The following CD200 variants were observed in gnomAD, a reference collection of about 807,000 sequenced individuals.
CD200 encodes the protein CD200 molecule, also known as OX-2 membrane glycoprotein.
Under a neutral mutation model 30.9 loss-of-function variants are expected in CD200, and 15 were observed. The observed-to-expected ratio is 0.49, with a 90% CI of 0.32 to 0.75. The LOEUF is 0.75. Ranked by LOEUF, CD200 falls within the 30% of genes least tolerant of loss-of-function variation. The pLI, the probability that CD200 is intolerant of heterozygous loss-of-function variation, is 0.03. For missense variants in CD200, 262 were observed against 324.2 expected (o/e 0.81, Z 1.47); for synonymous variants, 134 against 126.2 (o/e 1.06, Z -0.41).
At chr3:112,352,637 CAAAG>C (rs1318425689) in intron 5 of CD200, among the ~76,000 whole-genome samples, 1 of 151,992 alleles carries the variant, frequency 6.6e-6, no homozygotes, top group Non-Finnish European at 1.5e-5. Flanking sequence ...TGTGAGCAGA[CAAAG>C]AATTATCTTC....
At chr3:112,360,184 C>T (rs368222840) in intron 5 of CD200, among the ~76,000 whole-genome samples, 3 of 151,944 alleles carry the variant, frequency 2.0e-5, no homozygotes, top group East Asian at 1.9e-4. Flanking sequence ...GAAAATTAGC[C>T]GGGCATAGTG....
intron 5 of CD200, among the ~76,000 whole-genome samples, chr3:112,359,697 T>G (rs1227252779): frequency 6.6e-6 from 1 of 152,214 alleles, no homozygotes; most frequent in Non-Finnish European, 1.5e-5. Context: ...GTTATTATAC[T>G]ATAATGAACA....
intron 3 of CD200, 69 bp downstream of exon 3, chr3:112,345,357 G>A (rs41270439): frequency 0.03 from 37,075 of 1,256,300 alleles, 629 homozygotes; most frequent in Non-Finnish European, 0.032. Context: ...GAATATAGCC[G>A]TAGTGCCCAG....
upstream of CD200, chr3:112,332,924 G>C: frequency 6.1e-6 from 3 of 493,302 alleles, no homozygotes; most frequent in Non-Finnish European, 1.1e-5. Context: ...AAAAAAAAAT[G>C]ATTTTTTTTT....
At chr3:112,344,865 C>A in intron 2 of CD200, 97 bp from the exon 3 acceptor site, 1 of 939,890 alleles carries the variant, frequency 1.1e-6, no homozygotes, top group South Asian at 1.7e-5. Flanking sequence ...TCTTTCTTTT[C>A]TATATTTGAC....
intron 2 of CD200, 41 bp downstream of exon 2, chr3:112,341,024 C>T: frequency 7.8e-7 from 1 of 1,287,356 alleles, no homozygotes; most frequent in Non-Finnish European, 1.1e-6. Context: ...CCAGCAAACA[C>T]AATTTCTGGG....
chr3:112,355,352 C>T (rs993660198), intron 5 of CD200, among the ~76,000 whole-genome samples: 4 of 152,152 alleles, frequency 2.6e-5, no homozygotes, highest in Non-Finnish European at 5.9e-5. Context: ...CTTCTGCTTT[C>T]CCTTGTTTTC....
chr3:112,333,267 G>A (rs1215857510), intron 1 of CD200, 43 bp downstream of exon 1: 2 of 1,540,824 alleles, frequency 1.3e-6, no homozygotes, highest in Non-Finnish European at 1.8e-6. Flanking sequence ...CAGGGCAGGC[G>A]ATGTTGAGCC....
At chr3:112,353,155 G>T (rs1444230434) in intron 5 of CD200, among the ~76,000 whole-genome samples, 1 of 152,168 alleles carries the variant, frequency 6.6e-6, no homozygotes, top group African/African-American at 2.4e-5. Context: ...TGACAATGTA[G>T]TTAAATTTGG....
upstream of CD200, chr3:112,332,928 T>A: frequency 3.8e-6 from 2 of 522,018 alleles, no homozygotes; most frequent in Non-Finnish European, 6.8e-6. Flanking sequence ...AAAAATGATT[T>A]TTTTTTTCCA....
At chr3:112,360,326 T>TAAAAATAAAA (rs1553721422) in intron 5 of CD200, among the ~76,000 whole-genome samples, 19,930 of 118,976 alleles carry the variant, frequency 0.17, 1,441 homozygotes, top group East Asian at 0.4. Context: ...AGACTTCATC[T>TAAAAATAAAA]AAAAAAAATA....
At chr3:112,345,377 A>T in intron 3 of CD200, 89 bp downstream of exon 3, 2 of 1,040,042 alleles carry the variant, frequency 1.9e-6, no homozygotes, top group South Asian at 1.5e-5. Flanking sequence ...GTTTTTCAGG[A>T]TTTTAACCAC....
chr3:112,351,072 A>G (rs990651773), intron 5 of CD200, among the ~76,000 whole-genome samples: 2 of 151,926 alleles, frequency 1.3e-5, no homozygotes, highest in African/African-American at 4.8e-5. Context: ...TCAAAGACAG[A>G]AGTCTGTTTG....
intron 5 of CD200, among the ~76,000 whole-genome samples, chr3:112,356,011 T>C (rs1356302817): frequency 6.6e-6 from 1 of 152,136 alleles, no homozygotes; most frequent in East Asian, 1.9e-4. Flanking sequence ...ATGCAAGACA[T>C]GTTTTGCAAA....
At position 112,340,981 on chromosome 3, in the gene CD200, A is replaced by T; in HGVS notation, c.92A>T (p.Gln31Leu). 1 of 1,600,034 alleles carries T rather than the reference A, an allele frequency of 6.2e-7. No homozygotes were observed. The highest frequency in any genetic ancestry group is 1.7e-4 in the Middle Eastern group (1 of 6,036). ...GCAGCAGTGGTGCTGTGCACAGCAC[A>T]AGGTAAAGAAACTCAATTCCCCTGC... The part of the protein sequence containing the change: ...VMAAVVLCTA[Q>L]VQVVTQDERE... The change falls in exon 2 of 6, where the codon CAA (glutamine) becomes CTA (leucine). Residue 31 changes from glutamine to leucine, a missense_variant and splice_region_variant. Physicochemically the swap from Gln to Leu is moderately radical, Grantham distance 113 (BLOSUM62 -2). Coordinates refer to ENST00000315711, the MANE Select transcript of CD200 (RefSeq NM_005944.7).
intron 1 of CD200, chr3:112,333,505 G>A (rs1203543348): frequency 2.0e-6 from 2 of 985,326 alleles, no homozygotes; most frequent in Non-Finnish European, 2.4e-6. Flanking sequence ...GGGGCTCCGG[G>A]GGCTCTTGAT....
At chr3:112,355,600 G>A (rs952243666) in intron 5 of CD200, among the ~76,000 whole-genome samples, 6 of 152,030 alleles carry the variant, frequency 3.9e-5, no homozygotes, top group Non-Finnish European at 7.4e-5. Flanking sequence ...GTCTTTCCCC[G>A]CTTATCATAA....
intron 3 of CD200, among the ~76,000 whole-genome samples, chr3:112,345,983 C>T (rs60673403): frequency 0.13 from 20,247 of 152,088 alleles, 1,765 homozygotes; most frequent in South Asian, 0.27. Flanking sequence ...ATGGCACACA[C>T]GGCAGTAGTT....
At chr3:112,333,089 G>C (rs559929282), upstream of CD200, 3,834 of 1,426,448 alleles carry the variant, frequency 2.7e-3, 6 homozygotes, top group Non-Finnish European at 3.4e-3. Context: ...GGAGAAGGGG[G>C]CTAGCGAGGA....
Sources: gnomAD v4.1 joint callset for allele counts (sites outside exome capture counted in the v4.1 genomes callset) on GRCh38, gnomAD v4.1.1 for gene constraint, MANE v1.5 for transcripts, NCBI Gene and HGNC (gene_info 2026-07-23, HGNC 2026-07-21) for gene names.